SPOCK3: variants seen among roughly 807,000 people sequenced by gnomAD.
The protein encoded by SPOCK3 is testican-3.
Under a neutral mutation model 56.6 loss-of-function variants are expected in SPOCK3, and 30 were observed. The ratio of observed to expected loss-of-function variants is 0.53; its 90% CI spans 0.40 to 0.72. The LOEUF is 0.72. Among genes scored for constraint, SPOCK3 ranks in the 30% least tolerant of loss-of-function variants. The pLI, the probability that SPOCK3 is intolerant of heterozygous loss-of-function variation, is 0.00. For missense variants in SPOCK3, 527 were observed against 530.0 expected (o/e 0.99, Z 0.06); for synonymous variants, 196 against 183.3 (o/e 1.07, Z -0.56).
At chr4:167,061,287 C>T (rs1755580061) in intron 3 of SPOCK3, among the ~76,000 whole-genome samples, 1 of 151,968 alleles carries the variant, frequency 6.6e-6, no homozygotes, top group Non-Finnish European at 1.5e-5. Context: ...CAGTAAATAA[C>T]ATCTCTGTCT....
intron 4 of SPOCK3, among the ~76,000 whole-genome samples, chr4:166,974,547 C>G (rs1208005261): frequency 6.6e-6 from 1 of 152,062 alleles, no homozygotes; most frequent in Non-Finnish European, 1.5e-5. Context: ...CCATTTCTCT[C>G]TTTTTCTTTA....
intron 4 of SPOCK3, among the ~76,000 whole-genome samples, chr4:166,968,723 C>A (rs564300015): frequency 6.6e-6 from 1 of 151,086 alleles, no homozygotes; most frequent in African/African-American, 2.5e-5. Context: ...TCTACTAGGG[C>A]AGTGCACAGG....
intron 6 of SPOCK3, among the ~76,000 whole-genome samples, chr4:166,798,603 AC>A (rs1742218649): frequency 6.6e-6 from 1 of 152,184 alleles, no homozygotes; most frequent in Non-Finnish European, 1.5e-5. Context: ...TATATCAGAT[AC>A]GGAGAAACTT....
intron 3 of SPOCK3, among the ~76,000 whole-genome samples, chr4:167,040,244 ATGGTGAAAAGTAGCG>A (rs1307842708): frequency 2.0e-5 from 3 of 152,198 alleles, no homozygotes; most frequent in African/African-American, 7.2e-5. Flanking sequence ...CTTTAATATG[ATGGTGAAAAGTAGCG>A]TGTGATTATT....
intron 7 of SPOCK3, among the ~76,000 whole-genome samples, chr4:166,770,016 C>A (rs973710502): frequency 6.6e-6 from 1 of 152,098 alleles, no homozygotes; most frequent in South Asian, 2.1e-4. Context: ...CCTGGTGTGC[C>A]GTTCGCTAAG....
chr4:167,128,165 T>C (rs945303961), intron 2 of SPOCK3, among the ~76,000 whole-genome samples: 1 of 152,172 alleles, frequency 6.6e-6, no homozygotes, highest in African/African-American at 2.4e-5. Context: ...AGATAGACCT[T>C]CTCACTTTTT....
intron 2 of SPOCK3, among the ~76,000 whole-genome samples, chr4:167,087,269 C>G (rs1041408047): frequency 6.6e-6 from 1 of 151,992 alleles, no homozygotes; most frequent in Non-Finnish European, 1.5e-5. Flanking sequence ...ATGCCCAAGA[C>G]CACAGAGCTT....
intron 3 of SPOCK3, among the ~76,000 whole-genome samples, chr4:167,056,203 T>G (rs554290897): frequency 6.6e-6 from 1 of 152,216 alleles, no homozygotes; most frequent in East Asian, 1.9e-4. Context: ...GGGTCTGGAG[T>G]GGACCTCTAG....
intron 7 of SPOCK3, among the ~76,000 whole-genome samples, chr4:166,790,068 A>C (rs377438232): frequency 6.6e-6 from 1 of 152,128 alleles, no homozygotes; most frequent in Non-Finnish European, 1.5e-5. Context: ...TGGGTACACA[A>C]TGTAGTATAT....
intron 3 of SPOCK3, among the ~76,000 whole-genome samples, chr4:167,010,530 A>AC (rs1749932446): frequency 6.6e-6 from 1 of 151,644 alleles, no homozygotes; most frequent in Non-Finnish European, 1.5e-5. Context: ...AAAAAAAAAA[A>AC]AAAAAAAAAT....
At chr4:167,095,351 AC>A (rs1324431090) in intron 2 of SPOCK3, among the ~76,000 whole-genome samples, 1 of 152,048 alleles carries the variant, frequency 6.6e-6, no homozygotes, top group African/African-American at 2.4e-5. Flanking sequence ...ATATTGAATA[AC>A]AGTAATGTCA....
At chr4:167,109,401 A>G (rs1255874344) in intron 2 of SPOCK3, among the ~76,000 whole-genome samples, 1 of 84,574 alleles carries the variant, frequency 1.2e-5, no homozygotes, top group African/African-American at 4.4e-5. Flanking sequence ...ATATATATTT[A>G]TATATAAATA....
chr4:167,071,351 G>A lies in SPOCK3; in HGVS notation c.190-8814C>T, dbSNP rs546239389. Among the ~76,000 whole-genome samples, 8 of 151,942 alleles carry A rather than the reference G, an allele frequency of 5.3e-5. No homozygotes were observed. The East Asian group carries it at 9.8e-4, about 19-fold the overall frequency. Reference sequence around the variant, plus strand: ...GGTTTGCTGCACCCATCAACTCGTCGTCTACATTAGGTGTTTCTCCTAATG... The same window carrying A: ...GGTTTGCTGCACCCATCAACTCGTCATCTACATTAGGTGTTTCTCCTAATG... On this transcript the variant is annotated intron_variant, in intron 2 of 10. Coordinates refer to ENST00000357545, the MANE Select transcript of SPOCK3 (RefSeq NM_001040159.2).
intron 4 of SPOCK3, among the ~76,000 whole-genome samples, chr4:166,933,162 C>T (rs1739980647): frequency 6.6e-6 from 1 of 152,038 alleles, no homozygotes; most frequent in African/African-American, 2.4e-5. Flanking sequence ...TCTCTGAATC[C>T]CTTTTGACTC....
chr4:166,741,939 T>C (rs1011347503), intron 9 of SPOCK3, 58 bp downstream of exon 9: 54 of 1,167,126 alleles, frequency 4.6e-5, no homozygotes, highest in Non-Finnish European at 6.6e-5. Context: ...ATGTTGCTGT[T>C]TCCCTGGGGT....
chr4:167,183,954 C>T (rs1167858041), intron 2 of SPOCK3, among the ~76,000 whole-genome samples: 1 of 152,158 alleles, frequency 6.6e-6, no homozygotes, highest in African/African-American at 2.4e-5. Context: ...TTTTGAATAT[C>T]ATACCAGGAT....
At chr4:166,922,592 GA>G (rs1478423363) in intron 4 of SPOCK3, among the ~76,000 whole-genome samples, 1 of 151,976 alleles carries the variant, frequency 6.6e-6, no homozygotes, top group Non-Finnish European at 1.5e-5. Flanking sequence ...ATGACATTAG[GA>G]GACGTATCTG....
chr4:166,821,575 T>A (rs935851585), intron 6 of SPOCK3, among the ~76,000 whole-genome samples: 1 of 151,966 alleles, frequency 6.6e-6, no homozygotes, highest in Non-Finnish European at 1.5e-5. Context: ...ATGTAGTATA[T>A]CCATGCAATG....
At chr4:166,781,382 G>A (rs1740148431) in intron 7 of SPOCK3, among the ~76,000 whole-genome samples, 1 of 151,820 alleles carries the variant, frequency 6.6e-6, no homozygotes, top group South Asian at 2.1e-4. Context: ...AATTGTTTGG[G>A]AGGAGGAGGC....
Sources: gnomAD v4.1 joint callset for allele counts (sites outside exome capture counted in the v4.1 genomes callset) on GRCh38, gnomAD v4.1.1 for gene constraint, MANE v1.5 for transcripts, NCBI Gene and HGNC (gene_info 2026-07-23, HGNC 2026-07-21) for gene names.